The following SH2B1 variants were observed in gnomAD, a reference collection of about 807,000 sequenced individuals.
SH2B1 encodes SH2B adapter protein 1.
Under a neutral mutation model 62.6 loss-of-function variants are expected in SH2B1, and 15 were observed. That is an observed-to-expected ratio of 0.24 (90% CI 0.16 to 0.37). The LOEUF (loss-of-function observed/expected upper bound fraction) is 0.37, where lower values mean the gene tolerates loss of function less well. Among genes scored for constraint, SH2B1 ranks in the 10% least tolerant of loss-of-function variants. The pLI is 1.00. For missense variants in SH2B1, 925 were observed against 1,015.6 expected, an observed-to-expected ratio of 0.91 and a Z score of 1.21; for synonymous variants, 443 against 438.0, an observed-to-expected ratio of 1.01 and a Z score of -0.14.
intron 1 of SH2B1, among the ~76,000 whole-genome samples, chr16:28,855,146 G>A (rs1962290717): frequency 6.6e-6 from 1 of 151,830 alleles, no homozygotes; most frequent in South Asian, 2.1e-4. Context: ...GGTGCTGGGT[G>A]CCTTACAAGT....
At chr16:28,863,304 A>G (rs556096401), upstream of SH2B1, 1 of 177,114 alleles carries the variant, frequency 5.6e-6, no homozygotes, top group Non-Finnish European at 1.2e-5. Context: ...AGAGATGCAA[A>G]CTCCTGGACC....
At position 28,873,343 on chromosome 16, in the gene SH2B1, T is replaced by C. The variant is rs1374958534; in HGVS notation, c.1898-104T>C. 6.3e-7 allele frequency: 1 copy of C among 1,589,470 alleles called. No homozygotes were observed. The highest frequency in any genetic ancestry group is 8.5e-7 in the Non-Finnish European group (1 of 1,170,070). On this transcript the variant is annotated intron_variant, in intron 7 of 7. Transcript: ENST00000684370. The surrounding 1 kb of genome is among the most constrained non-coding windows in gnomAD (Gnocchi z 4.2). ...ATGGGGGGTTGCTCAGGAGATGGGA[T>C]GTGGGGAGACAGCCACGCTCCTGGG...
chr16:28,863,190 C>G (rs1962508220), upstream of SH2B1: 1 of 153,736 alleles, frequency 6.5e-6, no homozygotes, highest in Non-Finnish European at 1.5e-5. Flanking sequence ...CTCGGCCTTC[C>G]GAAGTGCTGG....
Position 28,869,302 on chromosome 16 carries a change from T to C in SH2B1, c.1228T>C (p.Ser410Pro). 1.2e-6 allele frequency: 2 copies of C among 1,614,072 alleles called. No individual in the cohort carries two copies. Among genetic ancestry groups the C allele is most frequent in the Non-Finnish European group, 1.7e-6 (2 of 1,180,000 alleles). ...GGAGAACACAGACAGCCTGGAGCTGTCCTGCCTGAATCACTCGGAGAGTCT... is the reference window on the plus strand; with the variant it reads ...GGAGAACACAGACAGCCTGGAGCTGCCCTGCCTGAATCACTCGGAGAGTCT... Reference protein sequence around the residue: ...TRENTDSLELSCLNHSESLPS... With the variant: ...TRENTDSLELPCLNHSESLPS... Residue 410 changes from serine to proline, a missense_variant, in exon 4 of 8, where the codon TCC (serine) becomes CCC (proline). By Grantham distance (74) the Ser-to-Pro change is moderately conservative. Around this residue, in one of 3 missense-constraint regions of SH2B1, gnomAD observed 683 missense variants for 704.0 expected, o/e 0.97. Transcript: ENST00000684370.
In SH2B1 at chr16:28,864,411, G is replaced by A; in HGVS notation, c.-1684G>A. 1 of 987,028 alleles carries A rather than the reference G, an allele frequency of 1.0e-6. No homozygotes were observed. Among genetic ancestry groups the A allele is most frequent in the Non-Finnish European group, 1.2e-6 (1 of 830,804 alleles). 61.1% of individuals were successfully genotyped at this position (987,028 alleles called of 1,614,324 possible). A position where few individuals can be genotyped will look rare whatever the true frequency, so the allele number is the denominator to read the frequency against. ...GGGTGGGCCTGTGTGAGCCGAGGTGGCCGCTGGCTGGAGATTGGTTTGCAC... is the reference window on the plus strand; with the variant it reads ...GGGTGGGCCTGTGTGAGCCGAGGTGACCGCTGGCTGGAGATTGGTTTGCAC... On this transcript the variant is annotated 5_prime_UTR_variant, in exon 1 of 8. Coordinates refer to ENST00000684370, the MANE Select transcript of SH2B1 (RefSeq NM_001387430.1).
intron 1 of SH2B1, among the ~76,000 whole-genome samples, chr16:28,854,079 C>T (rs1005557706): frequency 6.6e-6 from 1 of 151,324 alleles, no homozygotes; most frequent in African/African-American, 2.4e-5. Flanking sequence ...TAGCTTGAGC[C>T]CAGGAGTTTC....
At chr16:28,867,609 C>G (rs1226906124) in intron 2 of SH2B1, among the ~76,000 whole-genome samples, 177 bp downstream of exon 2, 5 of 152,204 alleles carry the variant, frequency 3.3e-5, no homozygotes, top group Non-Finnish European at 7.3e-5. Context: ...TGTTCTTACT[C>G]TCAAAAACAA....
In SH2B1 at chr16:28,867,490, C is replaced by T. The variant is rs572568427; in HGVS notation, c.1041+58C>T. 5.3e-5 allele frequency: 70 copies of T among 1,330,630 alleles called. No homozygotes were observed. In the Middle Eastern group the frequency reaches 1.6e-3, roughly 31 times the overall value. The allele number at this position is 1,330,630 out of a possible 1,614,324, so 82.4% of individuals were successfully genotyped here. Reference sequence around the variant, plus strand: ...CTTGTGTTAAGGAGAAAGCCCTCAGCGCATTTAAGCAAGTGGCGTCGCCGA... The same window carrying T: ...CTTGTGTTAAGGAGAAAGCCCTCAGTGCATTTAAGCAAGTGGCGTCGCCGA... On this transcript the variant is annotated intron_variant, in intron 2 of 7. Coordinates refer to ENST00000684370, the MANE Select transcript of SH2B1 (RefSeq NM_001387430.1).
intron 1 of SH2B1, among the ~76,000 whole-genome samples, chr16:28,848,851 T>A (rs891309650): frequency 3.9e-5 from 6 of 152,002 alleles, no homozygotes; most frequent in Non-Finnish European, 8.8e-5. Flanking sequence ...TTTGTATTTT[T>A]AATAGAGACG....
chr16:28,848,921 C>T (rs1216505948), intron 1 of SH2B1, among the ~76,000 whole-genome samples: 1 of 152,064 alleles, frequency 6.6e-6, no homozygotes, highest in Admixed American at 6.6e-5. Context: ...ATCCACCCAC[C>T]TTGGCCTCCC....
upstream of SH2B1, among the ~76,000 whole-genome samples, chr16:28,860,965 C>T (rs548697422): frequency 1.8e-4 from 27 of 150,946 alleles, no homozygotes; most frequent in South Asian, 1.0e-3. Flanking sequence ...TACAGGCACG[C>T]GCCACCACAC....
In SH2B1 at chr16:28,865,127, G is replaced by T; in HGVS notation, c.-968G>T. On this transcript the variant is annotated 5_prime_UTR_variant, in exon 1 of 8. Transcript: ENST00000684370. ...TACTCCCCAGTGGGAGAAGAGGAAGGTGAAAAATCCTAGGGCCCCAGCTCT... is the reference window on the plus strand; with the variant it reads ...TACTCCCCAGTGGGAGAAGAGGAAGTTGAAAAATCCTAGGGCCCCAGCTCT... 1.0e-6 allele frequency: 1 copy of T among 985,616 alleles called. No individual in the cohort carries two copies. Among genetic ancestry groups the T allele is most frequent in the Non-Finnish European group, 1.2e-6 (1 of 829,978 alleles). 61.1% of individuals were successfully genotyped at this position (985,616 alleles called of 1,614,324 possible).
At chr16:28,848,038 C>T (rs1346681998) in intron 1 of SH2B1, among the ~76,000 whole-genome samples, 4 of 151,884 alleles carry the variant, frequency 2.6e-5, no homozygotes, top group African/African-American at 7.2e-5. Flanking sequence ...GTTGGCCAGA[C>T]GGCTCTCGAA....
At chr16:28,852,190 T>A (rs1446924481) in intron 1 of SH2B1, among the ~76,000 whole-genome samples, 5 of 131,578 alleles carry the variant, frequency 3.8e-5, no homozygotes, top group East Asian at 2.1e-4. Context: ...ATATATATAT[T>A]TTTATTTATA....
Position 28,874,133 on chromosome 16 carries a change from A to G in SH2B1, c.*313A>G, listed in dbSNP as rs118131240. On this transcript the variant is annotated 3_prime_UTR_variant, in exon 8 of 8. Transcript: ENST00000684370. ...GTGAGGGGGAAGGGCTGTCAGTTACATTAAGGTGGTTGTTGTTGTTGTTTT... is the reference window on the plus strand; with the variant it reads ...GTGAGGGGGAAGGGCTGTCAGTTACGTTAAGGTGGTTGTTGTTGTTGTTTT... 2 of 313,380 alleles carry G rather than the reference A, an allele frequency of 6.4e-6. No individual in the cohort carries two copies. The highest frequency in any genetic ancestry group is 4.3e-5 in the African/African-American group (2 of 46,862). 19.4% of individuals were successfully genotyped at this position (313,380 alleles called of 1,614,324 possible). A position where few individuals can be genotyped will look rare whatever the true frequency, so the allele number is the denominator to read the frequency against.
intron 1 of SH2B1, among the ~76,000 whole-genome samples, chr16:28,857,471 T>A (rs1158916192): frequency 1.3e-5 from 2 of 152,078 alleles, no homozygotes; most frequent in Non-Finnish European, 2.9e-5. Context: ...ACTGTACACT[T>A]AAAAATAGTA....
Position 28,864,749 on chromosome 16 carries a change from A to G in SH2B1, c.-1346A>G, listed in dbSNP as rs549839143. 1.5e-5 allele frequency: 11 copies of G among 756,230 alleles called. No homozygotes were observed. The South Asian group carries it at 6.0e-4, about 41-fold the overall frequency. The allele number at this position is 756,230 out of a possible 1,614,324, so 46.8% of individuals were successfully genotyped here. A position where few individuals can be genotyped will look rare whatever the true frequency, so the allele number is the denominator to read the frequency against. ...TCCACACCCAGCTCTGCCACTTTCTAGTTGTAAGACCTTGAGAGGGCTCCT... is the reference window on the plus strand; with the variant it reads ...TCCACACCCAGCTCTGCCACTTTCTGGTTGTAAGACCTTGAGAGGGCTCCT... On this transcript the variant is annotated 5_prime_UTR_variant, in exon 1 of 8. Transcript: ENST00000684370.
chr16:28,858,278 A>AG (rs1201494295), intron 1 of SH2B1, among the ~76,000 whole-genome samples: 1 of 150,426 alleles, frequency 6.6e-6, no homozygotes. Flanking sequence ...TTTGGGAGGC[A>AG]GGGGTAGGTG....
rs893905038 is a variant in SH2B1 at position 28,865,687 on chromosome 16, G to A, written c.-408G>A. 14 of 1,005,080 alleles carry A rather than the reference G, an allele frequency of 1.4e-5. No individual in the cohort carries two copies. In the Admixed American group the frequency reaches 1.8e-4, roughly 13 times the overall value. The allele number at this position is 1,005,080 out of a possible 1,614,324, so 62.3% of individuals were successfully genotyped here. On this transcript the variant is annotated 5_prime_UTR_variant, in exon 1 of 8. Transcript: ENST00000684370. Reference sequence around the variant, plus strand: ...GGGAAGTGTGACATGAATATTGGAGGATCCGATGTAGAGGGGGGGTGATCT... The same window carrying A: ...GGGAAGTGTGACATGAATATTGGAGAATCCGATGTAGAGGGGGGGTGATCT...
Sources: gnomAD v4.1 joint callset for allele counts (sites outside exome capture counted in the v4.1 genomes callset) on GRCh38, gnomAD v4.1.1 for gene constraint, gnomAD v4.1.1 regional missense constraint, Gnocchi (gnomAD v3.1) non-coding constraint, MANE v1.5 for transcripts, NCBI Gene and HGNC (gene_info 2026-07-23, HGNC 2026-07-21) for gene names.